The following TRHDE variants were observed in gnomAD, a reference collection of about 807,000 sequenced individuals.
TRHDE encodes the protein thyrotropin-releasing hormone-degrading ectoenzyme.
A neutral mutation model predicts 125.7 loss-of-function variants in TRHDE; 72 were observed. The ratio of observed to expected loss-of-function variants is 0.57; its 90% CI spans 0.47 to 0.70. The LOEUF (loss-of-function observed/expected upper bound fraction) is 0.70, where lower values mean the gene tolerates loss of function less well. TRHDE is among the 30% of genes least tolerant of loss of function. TRHDE has a pLI of 0.00. For missense variants in TRHDE, 1,110 were observed against 1,327.1 expected, an observed-to-expected ratio of 0.84 and a Z score of 2.54; for synonymous variants, 509 against 509.1, an observed-to-expected ratio of 1.00 and a Z score of 0.00.
intron 2 of TRHDE, among the ~76,000 whole-genome samples, chr12:72,215,734 G>A (rs944342025): frequency 1.3e-5 from 2 of 152,128 alleles, no homozygotes; most frequent in African/African-American, 4.8e-5. Flanking sequence ...ATGTGCCCAT[G>A]GCATATCAAT....
In TRHDE at chr12:72,458,948, G is replaced by A. The variant is rs557671842; in HGVS notation, c.1316-10810G>A. The stretch of plus-strand genomic sequence containing the variant: ...AACTGTATTAGTTCCCTATTGATGC[G>A]ATAATAAATTAGCACTTAATTAGTG... On this transcript the variant is annotated intron_variant, in intron 3 of 18. Transcript: ENST00000261180. Among the ~76,000 whole-genome samples the A allele has an allele frequency of 2.6e-5, 4 of 152,204 alleles. No individual in the cohort carries two copies. In the East Asian group the frequency reaches 5.8e-4, roughly 22 times the overall value.
At chr12:72,574,059 T>C (rs1405080245) in intron 10 of TRHDE, among the ~76,000 whole-genome samples, 1 of 152,076 alleles carries the variant, frequency 6.6e-6, no homozygotes, top group Non-Finnish European at 1.5e-5. Flanking sequence ...TTAGTTCACT[T>C]CATTCCAGAC....
At chr12:72,234,280 A>G (rs1468940164) in intron 2 of TRHDE, among the ~76,000 whole-genome samples, 1 of 152,174 alleles carries the variant, frequency 6.6e-6, no homozygotes, top group African/African-American at 2.4e-5. Context: ...GCCTCGTGTT[A>G]TTGAAGATGC....
upstream of TRHDE, among the ~76,000 whole-genome samples, chr12:72,270,978 C>A (rs1879186327): frequency 6.6e-6 from 1 of 152,208 alleles, no homozygotes; most frequent in Non-Finnish European, 1.5e-5. Flanking sequence ...TGGAAAGCTG[C>A]AAGAAAGTAA....
At chr12:72,283,300 G>A (rs1324975025) in intron 1 of TRHDE, among the ~76,000 whole-genome samples, 8 of 152,122 alleles carry the variant, frequency 5.3e-5, no homozygotes, top group South Asian at 4.1e-4. Context: ...AATATTTTAC[G>A]TCTGATTTTT....
intron 3 of TRHDE, among the ~76,000 whole-genome samples, chr12:72,384,803 G>A (rs904096099): frequency 6.6e-6 from 1 of 151,974 alleles, no homozygotes; most frequent in African/African-American, 2.4e-5. Flanking sequence ...TTATTGTGGT[G>A]ATGATGATTG....
At chr12:72,134,268 G>C (rs142648913) in intron 2 of TRHDE, among the ~76,000 whole-genome samples, 4 of 152,048 alleles carry the variant, frequency 2.6e-5, no homozygotes, top group African/African-American at 9.7e-5. Flanking sequence ...TCCCTATTAG[G>C]CTTCATCCTA....
chr12:72,189,557 G>A (rs1357570486), intron 2 of TRHDE, among the ~76,000 whole-genome samples: 1 of 152,170 alleles, frequency 6.6e-6, no homozygotes, highest in African/African-American at 2.4e-5. Context: ...GGTATGAAAC[G>A]TGTAACTTGA....
chr12:72,330,488 C>G (rs541149139), intron 2 of TRHDE, among the ~76,000 whole-genome samples: 1 of 152,170 alleles, frequency 6.6e-6, no homozygotes. Context: ...GCTACTCTCA[C>G]GGCGATGGGA....
chr12:72,553,709 C>A (rs1250139129), intron 7 of TRHDE, among the ~76,000 whole-genome samples: 1 of 151,992 alleles, frequency 6.6e-6, no homozygotes, highest in Non-Finnish European at 1.5e-5. Context: ...CTTAATTTTT[C>A]TTTTCTTTTT....
intron 5 of TRHDE, among the ~76,000 whole-genome samples, chr12:72,476,794 C>T (rs181507152): frequency 2.0e-5 from 3 of 152,258 alleles, no homozygotes; most frequent in Admixed American, 6.5e-5. Flanking sequence ...GTTAAGGAGG[C>T]TCTTGTTCTG....
intron 12 of TRHDE, among the ~76,000 whole-genome samples, chr12:72,617,409 A>C (rs1052733136): frequency 6.6e-6 from 1 of 152,176 alleles, no homozygotes; most frequent in Non-Finnish European, 1.5e-5. Flanking sequence ...TAATGTTTGC[A>C]TATGACATTG....
chr12:72,363,315 A>G (rs1871195503), intron 2 of TRHDE, among the ~76,000 whole-genome samples: 2 of 12,602 alleles, frequency 1.6e-4, no homozygotes, highest in African/African-American at 1.7e-4. Flanking sequence ...CAGAGACACA[A>G]CCAAAAAAGA....
In TRHDE at chr12:72,150,396, C is replaced by CT. The variant is rs371891880; in HGVS notation, n.279+44657dup. Among the ~76,000 whole-genome samples the CT allele has an allele frequency of 1.4e-3, 193 of 142,146 alleles. 1 individual carries two copies. In the East Asian group the frequency reaches 0.021, roughly 16 times the overall value. The allele number at this position is 142,146 out of a possible 152,430, so 93.3% of individuals were successfully genotyped here. On this transcript the variant is annotated intron_variant and non_coding_transcript_variant, in intron 2 of 4. Transcript: ENST00000548156. ...AAGAACAAAAGTATGGGTAGTGAGT[C>CT]TTTTTTTTTTTTTAATTTTACTTTA...
chr12:72,187,310 A>ACACAC (rs1163462785), intron 2 of TRHDE, among the ~76,000 whole-genome samples: 1 of 131,260 alleles, frequency 7.6e-6, no homozygotes, highest in African/African-American at 2.9e-5. Flanking sequence ...AGAGAAACAC[A>ACACAC]ACACACACAC....
chr12:72,095,479 C>T (rs886529728), intron 1 of TRHDE, among the ~76,000 whole-genome samples: 4 of 152,040 alleles, frequency 2.6e-5, no homozygotes, highest in African/African-American at 9.7e-5. Context: ...CTAGTGCTAC[C>T]CTCCCCCTCC....
chr12:72,218,208 G>A (rs1877933378), intron 2 of TRHDE, among the ~76,000 whole-genome samples: 1 of 151,972 alleles, frequency 6.6e-6, no homozygotes, highest in East Asian at 1.9e-4. Flanking sequence ...GATTTTAAAG[G>A]GAAAATAATA....
At chr12:72,413,711 C>T (rs1873611773) in intron 3 of TRHDE, among the ~76,000 whole-genome samples, 1 of 151,786 alleles carries the variant, frequency 6.6e-6, no homozygotes, top group Admixed American at 6.6e-5. Context: ...TTAAAATTTT[C>T]CTGAGGTTTC....
chr12:72,215,018 C>T (rs987485391), intron 2 of TRHDE, among the ~76,000 whole-genome samples: 5 of 152,028 alleles, frequency 3.3e-5, no homozygotes, highest in African/African-American at 4.8e-5. Context: ...GCATGTGGTC[C>T]GTGTGAAGAG....
Sources: gnomAD v4.1 joint callset for allele counts (sites outside exome capture counted in the v4.1 genomes callset) on GRCh38, gnomAD v4.1.1 for gene constraint, MANE v1.5 for transcripts, NCBI Gene and HGNC (gene_info 2026-07-23, HGNC 2026-07-21) for gene names.